The following ZNF329 variants were observed in gnomAD, a reference collection of about 807,000 sequenced individuals.
ZNF329 encodes zinc finger protein 329.
Under a neutral mutation model 26.6 loss-of-function variants are expected in ZNF329, and 15 were observed. The observed-to-expected ratio is 0.56, with a 90% CI of 0.38 to 0.87. The LOEUF is 0.87. ZNF329 is among the 40% of genes least tolerant of loss of function. The pLI is 0.00. For synonymous variants in ZNF329, 239 were observed against 233.5 expected, an observed-to-expected ratio of 1.02 and a Z score of -0.21; for missense variants, 651 against 651.9, an observed-to-expected ratio of 1.00 and a Z score of 0.02.
At chr19:58,146,502 C>T (rs745414613) in intron 1 of ZNF329, among the ~76,000 whole-genome samples, 83 of 97,114 alleles carry the variant, frequency 8.5e-4, no homozygotes, top group Non-Finnish European at 1.6e-3. Flanking sequence ...GGTACCTGGT[C>T]AAGAGAGGAA....
In ZNF329 at chr19:58,127,793, C is replaced by G. The variant is rs2074832170; in HGVS notation, c.*85G>C. The G allele has an allele frequency of 2.3e-6, 3 of 1,290,704 alleles. No homozygotes were observed. The highest frequency in any genetic ancestry group is 2.9e-5 in the South Asian group (2 of 67,990). The allele number at this position is 1,290,704 out of a possible 1,614,324, so 80.0% of individuals were successfully genotyped here. ...GGATAGCTTAAAGGATTCTTTTCTA[C>G]TGACCAGAGAGGAGTCAGATCTAAG... On this transcript the variant is annotated 3_prime_UTR_variant, in exon 4 of 4. Coordinates refer to ENST00000598312, the MANE Select transcript of ZNF329 (RefSeq NM_024620.4).
intron 1 of ZNF329, among the ~76,000 whole-genome samples, chr19:58,146,000 G>GGA (rs1555810473): frequency 0.013 from 1,621 of 123,228 alleles, 40 homozygotes; most frequent in African/African-American, 0.046. Context: ...TCAATTTCAT[G>GGA]AAAAAAAAAA....
chr19:58,130,547 G>A (rs1385559117), intron 3 of ZNF329, among the ~76,000 whole-genome samples: 8 of 151,644 alleles, frequency 5.3e-5, no homozygotes, highest in South Asian at 2.1e-4. Flanking sequence ...GGTGGCGGGC[G>A]CCTGTAGTCC....
chr19:58,147,704 C>T lies in ZNF329; in HGVS notation c.-208+3048G>A, dbSNP rs1346886345. ...CTGGGAGATGAGGGGCGCCTCTGCC[C>T]GGCTGCCCCACTGGGAAGTGAGGAG... is the stretch of plus-strand genomic sequence containing the variant. On this transcript the variant is annotated intron_variant, in intron 1 of 3. Coordinates refer to ENST00000598312, the MANE Select transcript of ZNF329 (RefSeq NM_024620.4). Among the ~76,000 whole-genome samples the T allele has an allele frequency of 9.5e-5, 14 of 147,808 alleles. 1 individual carries two copies. The highest frequency in any genetic ancestry group is 3.1e-4 in the African/African-American group (12 of 38,252).
chr19:58,151,965 T>C (rs999296498), upstream of ZNF329, among the ~76,000 whole-genome samples: 5 of 152,324 alleles, frequency 3.3e-5, no homozygotes, highest in East Asian at 9.6e-4. Flanking sequence ...TTATTATTTA[T>C]AGATTATTCT....
At chr19:58,153,016 A>T (rs1003204077), upstream of ZNF329, among the ~76,000 whole-genome samples, 9 of 152,244 alleles carry the variant, frequency 5.9e-5, no homozygotes, top group Non-Finnish European at 1.3e-4. Flanking sequence ...TTAACAATAA[A>T]GCATAACATC....
At chr19:58,141,138 G>A (rs1182763015) in intron 3 of ZNF329, among the ~76,000 whole-genome samples, 1 of 151,440 alleles carries the variant, frequency 6.6e-6, no homozygotes, top group African/African-American at 2.4e-5. Context: ...TTACAGACGT[G>A]AGCCACCACA....
At position 58,129,364 on chromosome 19, in the gene ZNF329, A is replaced by G; in HGVS notation, c.140T>C (p.Leu47Ser). 1 of 1,614,186 alleles carries G rather than the reference A, an allele frequency of 6.2e-7. No homozygotes were observed. Among genetic ancestry groups the G allele is most frequent in the Non-Finnish European group, 8.5e-7 (1 of 1,180,030 alleles). ...GWDCENQEGH[L>S]RQSALTLEKP... ...CTCCAGAGTTAAAGCTGATTGCCTC[A>G]AGTGTCCCTCCTGGTTCTCACAGTC... is the stretch of plus-strand genomic sequence containing the variant. Residue 47 changes from leucine to serine, a missense_variant, in exon 4 of 4, where the codon TTG (leucine) becomes TCG (serine). Leu to Ser is a moderately radical substitution (Grantham distance 145). Transcript: ENST00000598312.
intron 3 of ZNF329, among the ~76,000 whole-genome samples, chr19:58,140,974 G>A (rs10402211): frequency 0.21 from 31,590 of 150,344 alleles, 3,666 homozygotes; most frequent in Non-Finnish European, 0.27. Context: ...GTGCTCAAGC[G>A]ATTCTCTTGC....
At position 58,146,387 on chromosome 19, in the gene ZNF329, C is replaced by T. The variant is rs956103058; in HGVS notation, c.-207-3189G>A. 5.9e-5 allele frequency among the ~76,000 whole-genome samples: 9 copies of T among 152,000 alleles called. 1 individual carries two copies. The highest frequency in any genetic ancestry group is 3.3e-4 in the Admixed American group (5 of 15,256). On this transcript the variant is annotated intron_variant, in intron 1 of 3. Transcript: ENST00000598312. The stretch of plus-strand genomic sequence containing the variant: ...TACTTGGGAGGCTGAGGCAGGAAAA[C>T]CACTTGAGCCTGGGAAGTAGAGGTT...
Position 58,127,502 on chromosome 19 carries a change from G to T in ZNF329, c.*376C>A. 1 of 169,998 alleles carries T rather than the reference G, an allele frequency of 5.9e-6. No homozygotes were observed. Among genetic ancestry groups the T allele is most frequent in the Non-Finnish European group, 1.2e-5 (1 of 80,198 alleles). 10.5% of individuals were successfully genotyped at this position (169,998 alleles called of 1,614,324 possible). ...TCTGTCCGAAAAAAAAAAAAAAGTT[G>T]ATTCAGTGTTTGCTTACGTACAAGG... On this transcript the variant is annotated 3_prime_UTR_variant, in exon 4 of 4. Coordinates refer to ENST00000598312, the MANE Select transcript of ZNF329 (RefSeq NM_024620.4).
At chr19:58,150,967 G>T (rs560592182), upstream of ZNF329, among the ~76,000 whole-genome samples, 12 of 152,374 alleles carry the variant, frequency 7.9e-5, no homozygotes, top group African/African-American at 2.6e-4. Context: ...TTAACCCGAT[G>T]CTATCATTCT....
At chr19:58,135,002 A>G (rs1346251762) in intron 3 of ZNF329, among the ~76,000 whole-genome samples, 1 of 152,232 alleles carries the variant, frequency 6.6e-6, no homozygotes, top group East Asian at 1.9e-4. Context: ...GTTTGTAGGA[A>G]GAAAACAGCA....
intron 1 of ZNF329, among the ~76,000 whole-genome samples, chr19:58,144,945 G>A (rs1167471667): frequency 6.7e-6 from 1 of 150,096 alleles, no homozygotes; most frequent in Non-Finnish European, 1.5e-5. Flanking sequence ...TGCCTCCCGG[G>A]TTCACGCCAT....
chr19:58,153,664 C>T (rs928956832), upstream of ZNF329, among the ~76,000 whole-genome samples: 1 of 152,138 alleles, frequency 6.6e-6, no homozygotes, highest in South Asian at 2.1e-4. Context: ...GGGTAGGAGA[C>T]TTTCTACATC....
chr19:58,131,109 A>ATGTGTGTGTGTGTGTGTG (rs1397885691), intron 3 of ZNF329, among the ~76,000 whole-genome samples: 1 of 147,362 alleles, frequency 6.8e-6, no homozygotes, highest in African/African-American at 2.5e-5. Flanking sequence ...ATATACATGT[A>ATGTGTGTGTGTGTGTGTG]TATGTGTATA....
At chr19:58,129,541 G>A (rs751941281) in intron 3 of ZNF329, 30 bp from the exon 4 acceptor site, 39 of 1,530,680 alleles carry the variant, frequency 2.5e-5, no homozygotes, top group Non-Finnish European at 3.4e-5. Context: ...GCAGACTTAG[G>A]TATATGAAGC....
At chr19:58,141,423 C>T (rs2075185009) in intron 3 of ZNF329, among the ~76,000 whole-genome samples, 1 of 152,052 alleles carries the variant, frequency 6.6e-6, no homozygotes, top group African/African-American at 2.4e-5. Flanking sequence ...CTCAGTCTCC[C>T]GAGTACCTGG....
At chr19:58,148,665 C>G (rs1212081824) in intron 1 of ZNF329, among the ~76,000 whole-genome samples, 1 of 151,934 alleles carries the variant, frequency 6.6e-6, no homozygotes, top group Non-Finnish European at 1.5e-5. Flanking sequence ...ACAGTCTGGG[C>G]AACATAGTGA....
Sources: allele counts gnomAD v4.1 joint callset (sites outside exome capture counted in the v4.1 genomes callset), GRCh38; gene constraint gnomAD v4.1.1; transcripts MANE v1.5; gene names NCBI Gene and HGNC (gene_info 2026-07-23, HGNC 2026-07-21).